PTCH1: variants seen among roughly 807,000 people sequenced by gnomAD.
PTCH1 encodes the protein patched 1, also known as protein patched homolog 1.
A neutral mutation model predicts 144.6 loss-of-function variants in PTCH1; 14 were observed. The ratio of observed to expected loss-of-function variants is 0.10; its 90% CI spans 0.06 to 0.15. PTCH1 has a LOEUF of 0.15. Ranked by LOEUF, PTCH1 falls within the 10% of genes least tolerant of loss-of-function variation. PTCH1 has a pLI of 1.00. For missense variants in PTCH1, 1,623 were observed against 1,948.3 expected (o/e 0.83, Z 3.14); for synonymous variants, 833 against 793.6 (o/e 1.05, Z -0.83).
At chr9:95,505,895 C>G (rs1368386137) in intron 2 of PTCH1, among the ~76,000 whole-genome samples, 1 of 148,838 alleles carries the variant, frequency 6.7e-6, no homozygotes, top group Non-Finnish European at 1.5e-5. Flanking sequence ...GCCCCCGGCC[C>G]TCCCCAGCGC....
intron 2 of PTCH1, among the ~76,000 whole-genome samples, chr9:95,487,563 T>C (rs1226596376): frequency 6.6e-6 from 1 of 152,160 alleles, no homozygotes; most frequent in Admixed American, 6.5e-5. Context: ...TTAACTGAAT[T>C]TGAGCCAGCC....
At chr9:95,460,835 G>C (rs1234424502) in intron 16 of PTCH1, among the ~76,000 whole-genome samples, 1 of 152,126 alleles carries the variant, frequency 6.6e-6, no homozygotes, top group Non-Finnish European at 1.5e-5. Context: ...CCTGCTGCCT[G>C]GGCACTTTCC....
Position 95,464,087 on chromosome 9 carries a change from T to G in PTCH1, c.2561-2089A>C, listed in dbSNP as rs1333790971. Among the ~76,000 whole-genome samples the G allele has an allele frequency of 7.2e-5, 11 of 152,314 alleles. No individual in the cohort carries two copies. In the East Asian group the frequency reaches 1.9e-3, roughly 27 times the overall value. On this transcript the variant is annotated intron_variant, in intron 15 of 23. Coordinates refer to ENST00000331920, the MANE Select transcript of PTCH1 (RefSeq NM_000264.5). ...AGGTCAGCCTTGCTGGAAACTCGATTCAACTCAGAATCCACACTGCTGGTC... is the reference window on the plus strand; with the variant it reads ...AGGTCAGCCTTGCTGGAAACTCGATGCAACTCAGAATCCACACTGCTGGTC...
At chr9:95,503,330 G>A (rs1458145787) in intron 2 of PTCH1, 1 of 152,208 alleles carries the variant, frequency 6.6e-6, no homozygotes. Context: ...TGAGGTATAG[G>A]ACAGCAGGGA....
chr9:95,472,646 C>A (rs952814261), intron 12 of PTCH1, among the ~76,000 whole-genome samples: 31 of 152,182 alleles, frequency 2.0e-4, no homozygotes, highest in Non-Finnish European at 4.1e-4. Context: ...CCCACGGGCA[C>A]AGGCATGGGC....
chr9:95,514,458 G>A (rs1844277612), intron 1 of PTCH1: 1 of 152,196 alleles, frequency 6.6e-6, no homozygotes, highest in South Asian at 2.1e-4. Flanking sequence ...CACTGCTGGA[G>A]CAACAAATTT....
Position 95,458,109 on chromosome 9 carries a change from G to A in PTCH1, c.3072C>T (p.Leu1024=), listed in dbSNP as rs1588539992. 5.6e-6 allele frequency: 9 copies of A among 1,614,244 alleles called. No individual in the cohort carries two copies. The highest frequency in any genetic ancestry group is 7.6e-6 in the Non-Finnish European group (9 of 1,180,048). ...TGATGAACAGCAGCAGCCAGTGGCG[G>A]AGGCCGATGTACTGCTCCCAGAAGA... ...PFLFWEQYIG[L]RHWLLLFISV... The change falls in exon 18 of 24, where the codon CTC becomes CTT. Residue 1024 remains leucine (L), a synonymous_variant. Transcript: ENST00000331920. The surrounding 1 kb of genome is among the most constrained non-coding windows in gnomAD (Gnocchi z 4.7).
chr9:95,504,101 C>G (rs1376118913), intron 2 of PTCH1, among the ~76,000 whole-genome samples: 1 of 134,898 alleles, frequency 7.4e-6, no homozygotes, highest in Non-Finnish European at 1.6e-5. Flanking sequence ...GTAAGGCATG[C>G]GATAATATAT....
At chr9:95,507,865 C>G in intron 1 of PTCH1, 1 of 1,207,556 alleles carries the variant, frequency 8.3e-7, no homozygotes, top group Non-Finnish European at 1.1e-6. Flanking sequence ...GGACGGCTTT[C>G]CAGTGCTCCG....
chr9:95,493,865 G>A (rs1396179656), intron 2 of PTCH1, among the ~76,000 whole-genome samples: 2 of 152,008 alleles, frequency 1.3e-5, no homozygotes, highest in African/African-American at 4.8e-5. Context: ...GTGAATTTTA[G>A]TCCTCTCCCA....
chr9:95,471,171 C>T (rs1446693662), intron 12 of PTCH1, among the ~76,000 whole-genome samples: 2 of 152,150 alleles, frequency 1.3e-5, no homozygotes, highest in African/African-American at 4.8e-5. Context: ...AACTGATAAA[C>T]GTCCTAGGGT....
In PTCH1 at chr9:95,449,974, G is replaced by C; in HGVS notation, c.3450-34C>G. 1 of 1,584,848 alleles carries C rather than the reference G, an allele frequency of 6.3e-7. No individual in the cohort carries two copies. Among genetic ancestry groups the C allele is most frequent in the Non-Finnish European group, 8.7e-7 (1 of 1,154,278 alleles). On this transcript the variant is annotated intron_variant, in intron 20 of 23. Coordinates refer to ENST00000331920, the MANE Select transcript of PTCH1 (RefSeq NM_000264.5). This position sits in a 1 kb window ranked among gnomAD's most constrained non-coding sequence, Gnocchi z 5.3. Reference sequence around the variant, plus strand: ...TCAAGAGGAAACGGGAACACGCGCTGTGACAGGGTGGATCGCGCCACCCTC... The same window carrying C: ...TCAAGAGGAAACGGGAACACGCGCTCTGACAGGGTGGATCGCGCCACCCTC...
chr9:95,508,576 C>T lies in PTCH1; in HGVS notation c.-215G>A. The T allele has an allele frequency of 1.0e-6, 1 of 1,001,186 alleles. No homozygotes were observed. The highest frequency in any genetic ancestry group is 1.2e-6 in the Non-Finnish European group (1 of 840,594). 62.0% of individuals were successfully genotyped at this position (1,001,186 alleles called of 1,614,324 possible). A position where few individuals can be genotyped will look rare whatever the true frequency, so the allele number is the denominator to read the frequency against. ...GCTGCCGCTGCGGCCGCGGCCGCTG[C>T]CGGGGAGTCAGACCCTGCGCCTTCC... On this transcript the variant is annotated 5_prime_UTR_variant, in exon 1 of 24. Coordinates refer to ENST00000331920, the MANE Select transcript of PTCH1 (RefSeq NM_000264.5).
chr9:95,507,349 C>CTCCCCGGCGCGGCATT (rs1030015199), intron 1 of PTCH1: 1 of 985,414 alleles, frequency 1.0e-6, no homozygotes, highest in African/African-American at 1.7e-5. Context: ...GCGCAGGCTG[C>CTCCCCGGCGCGGCATT]TCCCCGGCGC....
rs777030659 is a variant in PTCH1 at position 95,469,918 on chromosome 9, A to C, written c.1742T>G (p.Val581Gly). The C allele has an allele frequency of 6.2e-7, 1 of 1,613,886 alleles. No homozygotes were observed. The highest frequency in any genetic ancestry group is 2.2e-5 in the East Asian group (1 of 44,876). ...CAGAACCATGGCAAAATTGAACACC[A>C]CTACTACCGCTGCCTGGGAGCAGAA... ...RAFSLQAAVV[V>G]VFNFAMVLLI... The change falls in exon 13 of 24, where the codon GTG becomes GGG. Residue 581 changes from valine to glycine, a missense_variant. Coordinates refer to ENST00000331920, the MANE Select transcript of PTCH1 (RefSeq NM_000264.5).
At chr9:95,491,194 G>A (rs28418339) in intron 2 of PTCH1, among the ~76,000 whole-genome samples, 16,130 of 152,136 alleles carry the variant, frequency 0.11, 970 homozygotes, top group African/African-American at 0.16. Context: ...AGCCCTTTGA[G>A]ACCATATTCT....
At chr9:95,455,828 C>G (rs1838869268) in intron 19 of PTCH1, among the ~76,000 whole-genome samples, 1 of 152,222 alleles carries the variant, frequency 6.6e-6, no homozygotes, top group Non-Finnish European at 1.5e-5. Context: ...TCACCTCATC[C>G]TCAGTGATGC....
Position 95,508,176 on chromosome 9 carries a change from C to T in PTCH1, c.186G>A (p.Leu62=), listed in dbSNP as rs1347161576. Residue 62 remains leucine, a synonymous_variant, in exon 1 of 24, where the codon CTG becomes CTA. Coordinates refer to ENST00000331920, the MANE Select transcript of PTCH1 (RefSeq NM_000264.5). ...TGAAATGCACCTTGGAAATCTGCTC[C>T]AGAGCGAAGGCGGCGTCGCAGTAGC... ...RPSYCDAAFA[L]EQISKGKATG... 6.2e-7 allele frequency: 1 copy of T among 1,612,746 alleles called. No homozygotes were observed. Among genetic ancestry groups the T allele is most frequent in the South Asian group, 1.1e-5 (1 of 91,070 alleles).
rs770443972 is a variant in PTCH1 at position 95,445,240 on chromosome 9, G to C, written c.*1153C>G. ...TTCTGGGAGACTGTGGGCCAAGAAA[G>C]AATTAACTAAATAGGTTTTTCTACC... On this transcript the variant is annotated 3_prime_UTR_variant, in exon 24 of 24. Coordinates refer to ENST00000331920, the MANE Select transcript of PTCH1 (RefSeq NM_000264.5). 3.9e-5 allele frequency: 6 copies of C among 152,152 alleles called. No homozygotes were observed. The highest frequency in any genetic ancestry group is 8.8e-5 in the Non-Finnish European group (6 of 68,028). 9.4% of individuals were successfully genotyped at this position (152,152 alleles called of 1,614,324 possible).
Sources: allele counts gnomAD v4.1 joint callset (sites outside exome capture counted in the v4.1 genomes callset), GRCh38; gene constraint gnomAD v4.1.1; non-coding constraint Gnocchi (gnomAD v3.1); transcripts MANE v1.5; gene names NCBI Gene and HGNC (gene_info 2026-07-23, HGNC 2026-07-21).